ROBO1: variants seen among roughly 807,000 people sequenced by gnomAD.
ROBO1 encodes the protein roundabout guidance receptor 1.
A neutral mutation model predicts 195.9 loss-of-function variants in ROBO1; 149 were observed. That is an observed-to-expected ratio of 0.76 (90% CI 0.67 to 0.87). The LOEUF (loss-of-function observed/expected upper bound fraction) is 0.87. Among genes scored for constraint, ROBO1 ranks in the 40% least tolerant of loss-of-function variants. The pLI, the probability that ROBO1 is intolerant of heterozygous loss-of-function variation, is 0.00. For missense variants in ROBO1, 1,933 were observed against 2,068.3 expected, an observed-to-expected ratio of 0.93 and a Z score of 1.27; for synonymous variants, 816 against 733.2, an observed-to-expected ratio of 1.11 and a Z score of -1.82.
intron 3 of ROBO1, among the ~76,000 whole-genome samples, chr3:78,958,617 A>C (rs1192579600): frequency 6.6e-6 from 1 of 151,292 alleles, no homozygotes; most frequent in Non-Finnish European, 1.5e-5. Flanking sequence ...ATATATTAAA[A>C]AAATCCACGA....
At chr3:79,027,505 C>T (rs2078222979) in intron 3 of ROBO1, among the ~76,000 whole-genome samples, 1 of 151,496 alleles carries the variant, frequency 6.6e-6, no homozygotes, top group Admixed American at 6.6e-5. Context: ...TGACTGAGGA[C>T]TATGATTCTA....
intron 4 of ROBO1, among the ~76,000 whole-genome samples, chr3:78,832,775 G>A (rs1319225607): frequency 6.6e-6 from 1 of 152,116 alleles, no homozygotes; most frequent in Non-Finnish European, 1.5e-5. Context: ...GAACACCTTA[G>A]AGGTACTTCT....
chr3:79,164,419 T>C (rs2081027081), intron 2 of ROBO1, among the ~76,000 whole-genome samples: 1 of 152,180 alleles, frequency 6.6e-6, no homozygotes, highest in African/African-American at 2.4e-5. Flanking sequence ...TGTCAAATAA[T>C]CATATGATGA....
intron 4 of ROBO1, among the ~76,000 whole-genome samples, chr3:78,800,109 A>C (rs1259280686): frequency 1.3e-5 from 2 of 152,204 alleles, no homozygotes; most frequent in Non-Finnish European, 1.5e-5. Flanking sequence ...GGATTTTATC[A>C]TGGCATTCTA....
At chr3:79,048,593 C>G (rs1351753746) in intron 3 of ROBO1, among the ~76,000 whole-genome samples, 1 of 152,082 alleles carries the variant, frequency 6.6e-6, no homozygotes, top group African/African-American at 2.4e-5. Context: ...AATCCTTGAC[C>G]ACTAACTTAA....
chr3:79,294,910 G>A (rs1051169185), intron 2 of ROBO1, among the ~76,000 whole-genome samples: 8 of 152,084 alleles, frequency 5.3e-5, no homozygotes, highest in Admixed American at 3.3e-4. Context: ...ACCATCTCAC[G>A]CCAGTTAGAA....
intron 2 of ROBO1, among the ~76,000 whole-genome samples, chr3:79,318,587 AT>A (rs1415810071): frequency 6.6e-6 from 1 of 152,216 alleles, no homozygotes; most frequent in Non-Finnish European, 1.5e-5. Flanking sequence ...GACATATCTA[AT>A]CAAATCACAA....
intron 2 of ROBO1, among the ~76,000 whole-genome samples, chr3:79,209,024 T>C (rs1484041755): frequency 1.3e-5 from 2 of 152,178 alleles, no homozygotes; most frequent in African/African-American, 4.8e-5. Flanking sequence ...TTTATTTCAA[T>C]AGTTTTGGGG....
At chr3:79,115,289 ATGTT>A (rs1442709595) in intron 3 of ROBO1, among the ~76,000 whole-genome samples, 5 of 152,184 alleles carry the variant, frequency 3.3e-5, no homozygotes, top group Non-Finnish European at 7.3e-5. Flanking sequence ...GGCTGAATGA[ATGTT>A]TGGGGTGTTT....
At position 79,101,188 on chromosome 3, in the gene ROBO1, T is replaced by C. The variant is rs573058450; in HGVS notation, c.172+24268A>G. Among the ~76,000 whole-genome samples, 18 of 151,818 alleles carry C rather than the reference T, an allele frequency of 1.2e-4. No individual in the cohort carries two copies. In the South Asian group the frequency reaches 2.1e-3, roughly 17 times the overall value. ...TGGCACCTGAGAACGCTTTGGAGAA[T>C]TGAGATCAATACAGCACATAAGACA... On this transcript the variant is annotated intron_variant, in intron 3 of 30. Coordinates refer to ENST00000464233, the MANE Select transcript of ROBO1 (RefSeq NM_002941.4).
chr3:79,171,745 C>A (rs962909933), intron 2 of ROBO1, among the ~76,000 whole-genome samples: 5 of 151,852 alleles, frequency 3.3e-5, no homozygotes, highest in Admixed American at 1.3e-4. Flanking sequence ...ACTGGAAATA[C>A]CTTCATAGGG....
intron 10 of ROBO1, among the ~76,000 whole-genome samples, chr3:78,673,565 TATA>T (rs1559727756): frequency 2.8e-3 from 56 of 20,106 alleles, no homozygotes; most frequent in African/African-American, 0.011. Context: ...ATATATTTTA[TATA>T]TATATATATA....
chr3:79,506,990 T>C (rs1176535727), intron 2 of ROBO1, among the ~76,000 whole-genome samples: 2 of 152,218 alleles, frequency 1.3e-5, no homozygotes, highest in East Asian at 1.9e-4. Flanking sequence ...CAGTGCTTTA[T>C]GCAGCCACAT....
chr3:79,470,609 G>T (rs2107316815), intron 2 of ROBO1, among the ~76,000 whole-genome samples: 1 of 152,266 alleles, frequency 6.6e-6, no homozygotes, highest in East Asian at 1.9e-4. Flanking sequence ...ATGTGTCAAA[G>T]ATGGGGCCAG....
intron 28 of ROBO1, 91 bp from the exon 29 acceptor site, chr3:78,607,132 A>G: frequency 8.2e-7 from 1 of 1,213,796 alleles, no homozygotes; most frequent in Middle Eastern, 2.2e-4. Context: ...ACATTCACCT[A>G]CGAGATACTA....
intron 3 of ROBO1, among the ~76,000 whole-genome samples, chr3:79,093,285 G>T (rs1411490906): frequency 6.6e-6 from 1 of 152,058 alleles, no homozygotes; most frequent in East Asian, 1.9e-4. Context: ...TGTGTCACTG[G>T]GTCCACATGG....
Position 78,750,288 on chromosome 3 carries a change from C to A in ROBO1, c.500-3388G>T, listed in dbSNP as rs200776893. ...ATAACAAGGTGAAACCCCGTTTCTACTAAAAATACAAAAAATTAGCCGGGC... is the reference window on the plus strand; with the variant it reads ...ATAACAAGGTGAAACCCCGTTTCTAATAAAAATACAAAAAATTAGCCGGGC... On this transcript the variant is annotated intron_variant, in intron 4 of 30. Coordinates refer to ENST00000464233, the MANE Select transcript of ROBO1 (RefSeq NM_002941.4). Among the ~76,000 whole-genome samples the A allele has an allele frequency of 2.0e-4, 31 of 151,672 alleles. No homozygotes were observed. In the East Asian group the frequency reaches 2.1e-3, roughly 10 times the overall value.
chr3:79,704,009 A>G (rs957078084), intron 1 of ROBO1, among the ~76,000 whole-genome samples: 1 of 151,988 alleles, frequency 6.6e-6, no homozygotes, highest in African/African-American at 2.4e-5. Flanking sequence ...AATATTTTCC[A>G]TACTACAGTT....
In ROBO1 at chr3:79,641,581, GA is replaced by G. The variant is rs1177075341; in HGVS notation, c.-50-51621del. Among the ~76,000 whole-genome samples, 3 of 151,892 alleles carry G rather than the reference GA, an allele frequency of 2.0e-5. No homozygotes were observed. The South Asian group carries it at 6.2e-4, about 32-fold the overall frequency. On this transcript the variant is annotated intron_variant, in intron 1 of 30. Transcript: ENST00000464233. ...ATAATAAATAAAAAAAATAAAATAAGAAACGAAACAGTGACTGATCCTAGTG... is the reference window on the plus strand; with the variant it reads ...ATAATAAATAAAAAAAATAAAATAAGAACGAAACAGTGACTGATCCTAGTG...
Sources: gnomAD v4.1 joint callset for allele counts (sites outside exome capture counted in the v4.1 genomes callset) on GRCh38, gnomAD v4.1.1 for gene constraint, MANE v1.5 for transcripts, NCBI Gene and HGNC (gene_info 2026-07-23, HGNC 2026-07-21) for gene names.